Variants in ALS2 observed in about 807,000 individuals in gnomAD.
The protein encoded by ALS2 is alsin.
A neutral mutation model predicts 203.4 loss-of-function variants in ALS2; 117 were observed. The ratio of observed to expected loss-of-function variants is 0.58; its 90% CI spans 0.50 to 0.67. The LOEUF (loss-of-function observed/expected upper bound fraction) is 0.67. Among genes scored for constraint, ALS2 ranks in the 30% least tolerant of loss-of-function variants. ALS2 has a pLI of 0.00. For synonymous variants in ALS2, 718 were observed against 725.9 expected, an observed-to-expected ratio of 0.99 and a Z score of 0.17; for missense variants, 1,715 against 1,989.4, an observed-to-expected ratio of 0.86 and a Z score of 2.62.
At chr2:201,704,896 G>A (rs1689608044) in intron 31 of ALS2, among the ~76,000 whole-genome samples, 1 of 152,122 alleles carries the variant, frequency 6.6e-6, no homozygotes, top group Non-Finnish European at 1.5e-5. Flanking sequence ...GGCTAAAGAT[G>A]TGATTATATG....
At chr2:201,716,907 C>T (rs1390624797) in intron 24 of ALS2, among the ~76,000 whole-genome samples, 3 of 151,774 alleles carry the variant, frequency 2.0e-5, no homozygotes, top group African/African-American at 7.3e-5. Context: ...TGAGGTGCTA[C>T]CAAATATAAT....
Position 201,768,959 on chromosome 2 carries a change from G to A in ALS2, c.-60-14C>T. On this transcript the variant is annotated splice_polypyrimidine_tract_variant and intron_variant, in intron 1 of 33. Coordinates refer to ENST00000264276, the MANE Select transcript of ALS2 (RefSeq NM_020919.4). The stretch of plus-strand genomic sequence containing the variant: ...GTCTATCAAGACCTAAACAGTACAA[G>A]TAAGGAAAAGAGCAGTAAAAGAATA... 2 of 1,335,354 alleles carry A rather than the reference G, an allele frequency of 1.5e-6. No individual in the cohort carries two copies. The highest frequency in any genetic ancestry group is 2.1e-6 in the Non-Finnish European group (2 of 947,442). The allele number at this position is 1,335,354 out of a possible 1,614,324, so 82.7% of individuals were successfully genotyped here.
Position 201,768,926 on chromosome 2 carries a change from T to C in ALS2, c.-41A>G, listed in dbSNP as rs763864848. The C allele has an allele frequency of 1.5e-5, 24 of 1,605,240 alleles. No individual in the cohort carries two copies. In the Admixed American group the frequency reaches 3.8e-4, roughly 26 times the overall value. On this transcript the variant is annotated 5_prime_UTR_variant, in exon 2 of 34. An upstream open reading frame in the 5' UTR loses its in-frame stop. Transcript: ENST00000264276. ...CTCCATCACCAAATCATTCCTTCTT[T>C]ACAGAAAGTCTATCAAGACCTAAAC...
chr2:201,749,935 A>C, intron 7 of ALS2, 146 bp from the exon 8 acceptor site: 1 of 712,776 alleles, frequency 1.4e-6, no homozygotes, highest in Non-Finnish European at 2.5e-6. Flanking sequence ...TCTTTAACAG[A>C]TATTAAGGAA....
intron 8 of ALS2, among the ~76,000 whole-genome samples, chr2:201,748,320 A>T (rs1446023363): frequency 6.6e-6 from 1 of 152,138 alleles, no homozygotes; most frequent in Non-Finnish European, 1.5e-5. Context: ...TTTGCAAAGG[A>T]CGCATTACAA....
intron 6 of ALS2, among the ~76,000 whole-genome samples, chr2:201,753,997 G>A (rs1376114783): frequency 1.3e-5 from 2 of 150,660 alleles, no homozygotes; most frequent in Admixed American, 6.6e-5. Context: ...GTCTTTTACT[G>A]CTTTTTTTTT....
Position 201,708,004 on chromosome 2 carries a change from A to G in ALS2, c.4281-13T>C, listed in dbSNP as rs1574661341. 6.2e-7 allele frequency: 1 copy of G among 1,607,806 alleles called. No individual in the cohort carries two copies. Among genetic ancestry groups the G allele is most frequent in the Non-Finnish European group, 8.5e-7 (1 of 1,175,768 alleles). On this transcript the variant is annotated splice_polypyrimidine_tract_variant and intron_variant, in intron 27 of 33. Transcript: ENST00000264276. ...AGGAAATAAGAACCTAAGGAAGAAT[A>G]AAAAATATAATTATACAATTATACC...
intron 1 of ALS2, among the ~76,000 whole-genome samples, chr2:201,773,438 A>T (rs1356471913): frequency 1.3e-5 from 2 of 152,170 alleles, no homozygotes; most frequent in South Asian, 4.1e-4. Context: ...AAGGAGAAGC[A>T]GGTATCAGAA....
Position 201,749,717 on chromosome 2 carries a change from C to A in ALS2, c.1810G>T (p.Ala604Ser), listed in dbSNP as rs370490647. The change falls in exon 8 of 34, where the codon GCA becomes TCA. Residue 604 changes from alanine (A) to serine (S), a missense_variant. This residue lies in a region of ALS2 where 1,227 missense variants were observed against 1,413.5 expected (regional missense o/e 0.87). Coordinates refer to ENST00000264276, the MANE Select transcript of ALS2 (RefSeq NM_020919.4). ...TATCAAGTTCACAAAAGTACCTTTG[C>A]AAGACGAGGAACTGTTGTTGGAAAA... is the stretch of plus-strand genomic sequence containing the variant. ...SDFPTTVPRLAKISSENGVWS... is the reference protein window; with the variant it reads ...SDFPTTVPRLSKISSENGVWS... The A allele has an allele frequency of 6.2e-7, 1 of 1,613,612 alleles. No individual in the cohort carries two copies. The highest frequency in any genetic ancestry group is 1.3e-5 in the African/African-American group (1 of 74,902).
At chr2:201,726,352 T>C in intron 19 of ALS2, 132 bp downstream of exon 19, 2 of 837,472 alleles carry the variant, frequency 2.4e-6, no homozygotes, top group Non-Finnish European at 4.0e-6. Context: ...TTCATGCTCA[T>C]ACATGTGCAT....
At chr2:201,720,786 T>C (rs2105993133) in intron 23 of ALS2, among the ~76,000 whole-genome samples, 1 of 152,116 alleles carries the variant, frequency 6.6e-6, no homozygotes, top group South Asian at 2.1e-4. Flanking sequence ...AATGTAAAGA[T>C]GTCCAATCTT....
intron 25 of ALS2, 89 bp downstream of exon 25, chr2:201,715,583 A>G (rs1021671593): frequency 2.0e-6 from 3 of 1,486,320 alleles, no homozygotes; most frequent in Non-Finnish European, 2.8e-6. Context: ...TAACTTTTAA[A>G]TTAAATGTGG....
chr2:201,718,346 GCTTC>G (rs1420139226), intron 23 of ALS2, 136 bp from the exon 24 acceptor site: 2 of 954,434 alleles, frequency 2.1e-6, no homozygotes, highest in East Asian at 5.7e-5. Context: ...TGCAACCTCC[GCTTC>G]CTGGGTTAAA....
intron 13 of ALS2, among the ~76,000 whole-genome samples, chr2:201,733,015 G>A (rs1691670816): frequency 6.6e-6 from 1 of 152,184 alleles, no homozygotes; most frequent in South Asian, 2.1e-4. Context: ...ATCTGATAGA[G>A]TCTCAACTTT....
chr2:201,749,211 C>A (rs979090983), intron 8 of ALS2, among the ~76,000 whole-genome samples: 60 of 103,232 alleles, frequency 5.8e-4, no homozygotes, highest in Non-Finnish European at 1.2e-3. Context: ...ACCAATCCAT[C>A]TAACAGTAAA....
At chr2:201,745,569 A>G (rs1226427256) in intron 9 of ALS2, among the ~76,000 whole-genome samples, 1 of 152,222 alleles carries the variant, frequency 6.6e-6, no homozygotes, top group Non-Finnish European at 1.5e-5. Flanking sequence ...AAATAAGCCA[A>G]TGGTTTCAGT....
chr2:201,711,532 G>A (rs1242896552), intron 25 of ALS2, among the ~76,000 whole-genome samples: 8 of 151,372 alleles, frequency 5.3e-5, no homozygotes, highest in Non-Finnish European at 1.2e-4. Context: ...AAGAGGGAAG[G>A]GAGTTAAGGA....
intron 6 of ALS2, among the ~76,000 whole-genome samples, chr2:201,753,702 A>C (rs989718575): frequency 2.6e-5 from 4 of 152,232 alleles, no homozygotes; most frequent in African/African-American, 7.2e-5. Context: ...TAATAAACAA[A>C]ATGCCAGTTT....
chr2:201,774,626 T>C (rs1694572688), intron 1 of ALS2, among the ~76,000 whole-genome samples: 1 of 151,286 alleles, frequency 6.6e-6, no homozygotes, highest in South Asian at 2.1e-4. Flanking sequence ...TATGTATTCA[T>C]CTCTACTCAA....
Sources: gnomAD v4.1 joint callset for allele counts (sites outside exome capture counted in the v4.1 genomes callset) on GRCh38, gnomAD v4.1.1 for gene constraint, gnomAD v4.1.1 regional missense constraint, MANE v1.5 for transcripts, NCBI Gene and HGNC (gene_info 2026-07-23, HGNC 2026-07-21) for gene names.